The following ASB5 variants were observed in gnomAD, a reference collection of about 807,000 sequenced individuals.
The protein encoded by ASB5 is ankyrin repeat and SOCS box protein 5.
ASB5 carries 45 observed loss-of-function variants against 42.1 expected under a neutral mutation model. The ratio of observed to expected loss-of-function variants is 1.07; its 90% CI spans 0.84 to 1.37. The LOEUF is 1.37. Among genes scored for constraint, ASB5 ranks in the 40% most tolerant of loss-of-function variants. The probability of loss-of-function intolerance (pLI) is 0.00; values close to 1 mark genes in which losing one functional copy is unlikely to be tolerated. For missense variants in ASB5, 402 were observed against 399.8 expected (o/e 1.01, Z -0.05); for synonymous variants, 147 against 150.6 (o/e 0.98, Z 0.18).
At chr4:176,215,889 T>C (rs1394082554) in intron 6 of ASB5, among the ~76,000 whole-genome samples, 162 bp from the exon 7 acceptor site, 1 of 152,154 alleles carries the variant, frequency 6.6e-6, no homozygotes, top group African/African-American at 2.4e-5. Flanking sequence ...TATATTGCTT[T>C]TATTTATAAG....
chr4:176,256,962 G>A (rs1754169117), intron 1 of ASB5, among the ~76,000 whole-genome samples: 1 of 152,126 alleles, frequency 6.6e-6, no homozygotes, highest in Admixed American at 6.5e-5. Context: ...AGACCAGCTG[G>A]CAGAAAGGAG....
rs1753258210 is a variant in ASB5, at chr4:176,222,804, G to C, written c.277-384C>G. 3.3e-5 allele frequency among the ~76,000 whole-genome samples: 5 copies of C among 152,208 alleles called. No homozygotes were observed. The South Asian group carries it at 1.0e-3, about 32-fold the overall frequency. On this transcript the variant is annotated intron_variant, in intron 2 of 6. Coordinates refer to ENST00000296525, the MANE Select transcript of ASB5 (RefSeq NM_080874.4). ...GTTTTTGTTTTTGTTTTGAGATGGAGCCTCACTCTGTCACCCAAGCTGGAG... is the reference window on the plus strand; with the variant it reads ...GTTTTTGTTTTTGTTTTGAGATGGACCCTCACTCTGTCACCCAAGCTGGAG...
At chr4:176,259,889 G>A (rs778567636) in intron 1 of ASB5, among the ~76,000 whole-genome samples, 5 of 152,088 alleles carry the variant, frequency 3.3e-5, no homozygotes, top group African/African-American at 4.8e-5. Context: ...AGTGGGTACC[G>A]GTGGCATGGA....
intron 1 of ASB5, chr4:176,241,485 T>A: frequency 6.5e-7 from 1 of 1,535,680 alleles, no homozygotes; most frequent in Non-Finnish European, 8.7e-7. Context: ...ATTTCCACCA[T>A]TGCAAAGAGG....
intron 1 of ASB5, among the ~76,000 whole-genome samples, chr4:176,236,352 C>T (rs1021327331): frequency 2.6e-5 from 4 of 152,062 alleles, no homozygotes; most frequent in Non-Finnish European, 5.9e-5. Context: ...ATTGCTGCTC[C>T]CCGCCTCTAG....
At chr4:176,254,834 T>A (rs886515890) in intron 1 of ASB5, among the ~76,000 whole-genome samples, 7 of 151,996 alleles carry the variant, frequency 4.6e-5, no homozygotes, top group Admixed American at 1.3e-4. Context: ...GAAATGCAAA[T>A]CAAAACCACA....
intron 1 of ASB5, among the ~76,000 whole-genome samples, chr4:176,231,170 A>G (rs1426452054): frequency 6.6e-6 from 1 of 152,110 alleles, no homozygotes; most frequent in Non-Finnish European, 1.5e-5. Flanking sequence ...TACCTAAATC[A>G]CCATCTCCCC....
intron 2 of ASB5, among the ~76,000 whole-genome samples, chr4:176,275,291 A>G (rs1393811397): frequency 6.6e-6 from 1 of 152,002 alleles, no homozygotes; most frequent in African/African-American, 2.4e-5. Flanking sequence ...AAAATATATG[A>G]TTTACCCTGG....
intron 6 of ASB5, among the ~76,000 whole-genome samples, chr4:176,216,041 T>C (rs1211868157): frequency 6.6e-6 from 1 of 152,128 alleles, no homozygotes; most frequent in Non-Finnish European, 1.5e-5. Flanking sequence ...TCCTGAGAAG[T>C]ATTATGCACT....
chr4:176,264,478 A>G (rs544444321), intron 1 of ASB5, among the ~76,000 whole-genome samples: 1 of 152,336 alleles, frequency 6.6e-6, no homozygotes, highest in African/African-American at 2.4e-5. Context: ...TCAAGATGGG[A>G]GCCAAGTCAC....
intron 1 of ASB5, among the ~76,000 whole-genome samples, chr4:176,228,651 C>A (rs919504474): frequency 2.0e-5 from 3 of 152,042 alleles, no homozygotes; most frequent in African/African-American, 7.2e-5. Context: ...TGTGACAGTT[C>A]TATTATATAT....
intron 6 of ASB5, among the ~76,000 whole-genome samples, chr4:176,216,392 C>A (rs914785409): frequency 1.3e-5 from 2 of 151,950 alleles, no homozygotes; most frequent in Non-Finnish European, 2.9e-5. Context: ...CACTCTGTTG[C>A]CAGGTTGGAG....
chr4:176,238,078 T>C (rs1441408972), intron 1 of ASB5, among the ~76,000 whole-genome samples: 3 of 152,012 alleles, frequency 2.0e-5, no homozygotes, highest in South Asian at 4.1e-4. Flanking sequence ...AAAAATTAGC[T>C]GGACATAGGG....
intron 1 of ASB5, among the ~76,000 whole-genome samples, chr4:176,247,842 A>C (rs781468158): frequency 6.6e-6 from 1 of 152,228 alleles, no homozygotes; most frequent in African/African-American, 2.4e-5. Context: ...TAGAAACACC[A>C]ATAAAAAGTG....
rs368345751 is a variant in ASB5, at chr4:176,251,505, T to C, written c.196+17408A>G. 3.4e-3 allele frequency among the ~76,000 whole-genome samples: 58 copies of C among 17,056 alleles called. 24 individuals are homozygous for C. The highest frequency in any genetic ancestry group is 1.0e-3 in the South Asian group (1 of 960). The allele number at this position is 17,056 out of a possible 152,430, so 11.2% of individuals were successfully genotyped here. On this transcript the variant is annotated intron_variant, in intron 1 of 6. Coordinates refer to ENST00000296525, the MANE Select transcript of ASB5 (RefSeq NM_080874.4). ...TGAACCCGGGAGGCGGAGCTTGCAG[T>C]GAGCCGAGATCCCGCCACTGCACTC...
At chr4:176,254,006 T>C (rs1362192536) in intron 1 of ASB5, among the ~76,000 whole-genome samples, 1 of 152,156 alleles carries the variant, frequency 6.6e-6, no homozygotes, top group African/African-American at 2.4e-5. Flanking sequence ...AGATTCAGTG[T>C]TACTTCTGCC....
At chr4:176,272,941 C>CTT (rs60310080), upstream of ASB5, among the ~76,000 whole-genome samples, 418 of 110,952 alleles carry the variant, frequency 3.8e-3, 6 homozygotes, top group African/African-American at 0.01. Flanking sequence ...CTTCGATGAC[C>CTT]TTTTTTTTTT....
chr4:176,268,528 G>T (rs888958750), intron 1 of ASB5, among the ~76,000 whole-genome samples: 5 of 151,950 alleles, frequency 3.3e-5, no homozygotes, highest in African/African-American at 1.2e-4. Context: ...TACAATCCAG[G>T]TACACATTAG....
At chr4:176,261,817 G>A (rs954720051) in intron 1 of ASB5, among the ~76,000 whole-genome samples, 17 of 151,936 alleles carry the variant, frequency 1.1e-4, no homozygotes, top group East Asian at 3.9e-4. Context: ...GTTTGGCTCC[G>A]CTCATCCAAG....
Sources: gnomAD v4.1 joint callset for allele counts (sites outside exome capture counted in the v4.1 genomes callset) on GRCh38, gnomAD v4.1.1 for gene constraint, MANE v1.5 for transcripts, NCBI Gene and HGNC (gene_info 2026-07-23, HGNC 2026-07-21) for gene names.